The following FCN1 variants were observed in gnomAD, a reference collection of about 807,000 sequenced individuals.
The protein encoded by FCN1 is ficolin 1, also known as ficolin-1.
FCN1 carries 42 observed loss-of-function variants against 35.6 expected under a neutral mutation model. The observed-to-expected ratio is 1.18, with a 90% CI of 0.92 to 1.53. FCN1 has a LOEUF of 1.53. Ranked by LOEUF, FCN1 falls within the 40% of genes most tolerant of loss-of-function variation. The pLI is 0.00. For synonymous variants in FCN1, 179 were observed against 169.8 expected, an observed-to-expected ratio of 1.05 and a Z score of -0.42; for missense variants, 439 against 428.4, an observed-to-expected ratio of 1.02 and a Z score of -0.22.
In FCN1 at chr9:134,909,663, G is replaced by A. The variant is rs762509396; in HGVS notation, c.*135C>T. The stretch of plus-strand genomic sequence containing the variant: ...GTTGTGGGCATGTGGCGGCTTGACT[G>A]AGCTGGGGGCAAAGGGGCAGCTGTG... On this transcript the variant is annotated 3_prime_UTR_variant, in exon 9 of 9. Transcript: ENST00000371806. 5 of 1,594,486 alleles carry A rather than the reference G, an allele frequency of 3.1e-6. No homozygotes were observed. The highest frequency in any genetic ancestry group is 4.2e-6 in the Non-Finnish European group (5 of 1,177,340).
rs566070927 is a variant in FCN1 at position 134,917,420 on chromosome 9, G to A, written c.103+349C>T. 7.2e-5 allele frequency among the ~76,000 whole-genome samples: 11 copies of A among 152,298 alleles called. No homozygotes were observed. In the East Asian group the frequency reaches 1.5e-3, roughly 21 times the overall value. On this transcript the variant is annotated intron_variant, in intron 1 of 8. Coordinates refer to ENST00000371806, the MANE Select transcript of FCN1 (RefSeq NM_002003.5). ...CCCCCAAGTCCGTGTGGCAGCCACC[G>A]TATTAGAGGGTCTTAGAGTGCCTCC... is the stretch of plus-strand genomic sequence containing the variant.
At chr9:134,916,316 A>C in intron 2 of FCN1, 32 bp downstream of exon 2, 1 of 1,521,488 alleles carries the variant, frequency 6.6e-7, no homozygotes, top group South Asian at 1.1e-5. Flanking sequence ...TGCCCCTGCC[A>C]TGCCTGGCCT....
chr9:134,909,152 A>T lies in FCN1; in HGVS notation c.*646T>A. ...GGCCTCTTCGGAATCTTCTCTGTGC[A>T]GGTGGCTGACCAGGCGCTCACTTAG... On this transcript the variant is annotated 3_prime_UTR_variant, in exon 9 of 9. Transcript: ENST00000371806. 8.1e-7 allele frequency: 1 copy of T among 1,235,012 alleles called. No individual in the cohort carries two copies. The highest frequency in any genetic ancestry group is 1.1e-6 in the Non-Finnish European group (1 of 945,914). The allele number at this position is 1,235,012 out of a possible 1,614,324, so 76.5% of individuals were successfully genotyped here.
chr9:134,914,663 G>T, intron 3 of FCN1, 93 bp downstream of exon 3: 1 of 962,128 alleles, frequency 1.0e-6, no homozygotes. Context: ...GTCTGTGTCT[G>T]TGTCTCTGTC....
At position 134,909,642 on chromosome 9, in the gene FCN1, T is replaced by G. The variant is rs1735953499; in HGVS notation, c.*156A>C. On this transcript the variant is annotated 3_prime_UTR_variant, in exon 9 of 9. Coordinates refer to ENST00000371806, the MANE Select transcript of FCN1 (RefSeq NM_002003.5). ...CATAATTCTCCCTCTGGTGAGGTTGTGGGCATGTGGCGGCTTGACTGAGCT... is the reference window on the plus strand; with the variant it reads ...CATAATTCTCCCTCTGGTGAGGTTGGGGGCATGTGGCGGCTTGACTGAGCT... 2 of 1,589,216 alleles carry G rather than the reference T, an allele frequency of 1.3e-6. No individual in the cohort carries two copies. Among genetic ancestry groups the G allele is most frequent in the African/African-American group, 2.7e-5 (2 of 74,720 alleles).
intron 4 of FCN1, among the ~76,000 whole-genome samples, chr9:134,913,855 C>T (rs1831058530): frequency 1.3e-5 from 2 of 152,178 alleles, no homozygotes; most frequent in Admixed American, 6.5e-5. Flanking sequence ...GTGGCAGGCG[C>T]TGCGGGTCCT....
chr9:134,910,613 T>TCATTTCCAAGGCTCC (rs981024490), intron 8 of FCN1, among the ~76,000 whole-genome samples: 4 of 152,204 alleles, frequency 2.6e-5, no homozygotes, highest in Non-Finnish European at 4.4e-5. Context: ...TCCAAGGCTG[T>TCATTTCCAAGGCTCC]CATTTCCAAG....
rs1414972878 is a variant in FCN1 at position 134,908,497 on chromosome 9, T to C, written c.*1301A>G. The C allele has an allele frequency of 6.6e-6, 1 of 152,308 alleles. No individual in the cohort carries two copies. Among genetic ancestry groups the C allele is most frequent in the Admixed American group, 6.5e-5 (1 of 15,288 alleles). The allele number at this position is 152,308 out of a possible 1,614,324, so 9.4% of individuals were successfully genotyped here. Reference sequence around the variant, plus strand: ...GTGGTTAGGGATAGAGACCTGGACATGGGAGAGGATCCCAGATCATCCAGG... The same window carrying C: ...GTGGTTAGGGATAGAGACCTGGACACGGGAGAGGATCCCAGATCATCCAGG... On this transcript the variant is annotated 3_prime_UTR_variant, in exon 9 of 9. Transcript: ENST00000371806.
chr9:134,915,600 C>T (rs1005014618), intron 2 of FCN1, among the ~76,000 whole-genome samples: 4 of 152,198 alleles, frequency 2.6e-5, no homozygotes, highest in Admixed American at 6.5e-5. Context: ...GACACCCACA[C>T]GGAAGCCTAG....
rs1249450625 is a variant in FCN1, at chr9:134,903,568, T to C, written c.*6230A>G. ...ACTCTTAGAACTGAACTAAAATAGG[T>C]GAATTTTACTGTATTAAATTATACC... On this transcript the variant is annotated 3_prime_UTR_variant, in exon 9 of 9. Coordinates refer to ENST00000371806, the MANE Select transcript of FCN1 (RefSeq NM_002003.5). Among the ~76,000 whole-genome samples the C allele has an allele frequency of 2.0e-5, 3 of 152,052 alleles. No individual in the cohort carries two copies. In the East Asian group the frequency reaches 5.8e-4, roughly 29 times the overall value.
intron 2 of FCN1, 128 bp downstream of exon 2, chr9:134,916,219 AG>A: frequency 1.4e-6 from 1 of 740,540 alleles, no homozygotes. Context: ...TGGCTCTAGC[AG>A]GGGCCTGACC....
chr9:134,916,611 G>A, intron 1 of FCN1, 150 bp from the exon 2 acceptor site: 2 of 761,388 alleles, frequency 2.6e-6, no homozygotes, highest in Non-Finnish European at 4.4e-6. Flanking sequence ...TGGCTTTGGA[G>A]GCCACCCCGA....
rs1830955744 is a variant in FCN1 at position 134,906,126 on chromosome 9, AGAG to A, written c.*3669_*3671del. 6.6e-6 allele frequency: 1 copy of A among 152,600 alleles called. No homozygotes were observed. 9.5% of individuals were successfully genotyped at this position (152,600 alleles called of 1,614,324 possible). ...TGGCGGAGTTTTGTATTTTTAGTAG[AGAG>A]GAGGTTTCATCATGTTGGCCAGGCT... is the stretch of plus-strand genomic sequence containing the variant. On this transcript the variant is annotated 3_prime_UTR_variant, in exon 9 of 9. Coordinates refer to ENST00000371806, the MANE Select transcript of FCN1 (RefSeq NM_002003.5).
Position 134,909,694 on chromosome 9 carries a change from C to T in FCN1, c.*104G>A. Reference sequence around the variant, plus strand: ...GGGGCAAAGGGGCAGCTGTGGGCGTCATGGGAGTGTGTCTGGCTGGGGAAA... The same window carrying T: ...GGGGCAAAGGGGCAGCTGTGGGCGTTATGGGAGTGTGTCTGGCTGGGGAAA... On this transcript the variant is annotated 3_prime_UTR_variant, in exon 9 of 9. Transcript: ENST00000371806. 6.3e-7 allele frequency: 1 copy of T among 1,595,888 alleles called. No homozygotes were observed. The highest frequency in any genetic ancestry group is 8.5e-7 in the Non-Finnish European group (1 of 1,177,614).
At chr9:134,912,349 G>T in intron 7 of FCN1, 137 bp downstream of exon 7, 1 of 861,638 alleles carries the variant, frequency 1.2e-6, no homozygotes, top group South Asian at 1.8e-5. Flanking sequence ...AGCCCTTAGA[G>T]GTCCCAGTGC....
intron 1 of FCN1, 84 bp downstream of exon 1, chr9:134,917,683 TAA>T: frequency 1.2e-6 from 1 of 819,874 alleles, no homozygotes; most frequent in Non-Finnish European, 2.1e-6. Context: ...AAGATGTGCA[TAA>T]AAGGTTTTGC....
chr9:134,910,166 C>T (rs1831005469), intron 8 of FCN1, 121 bp from the exon 9 acceptor site: 1 of 949,698 alleles, frequency 1.1e-6, no homozygotes, highest in Non-Finnish European at 1.7e-6. Flanking sequence ...AGCCGAGCTA[C>T]AGGTGCACAA....
chr9:134,914,378 G>A lies in FCN1; in HGVS notation c.307+7C>T. 6.2e-7 allele frequency: 1 copy of A among 1,613,828 alleles called. No individual in the cohort carries two copies. Among genetic ancestry groups the A allele is most frequent in the South Asian group, 1.1e-5 (1 of 91,066 alleles). On this transcript the variant is annotated splice_region_variant and intron_variant, in intron 4 of 8. Transcript: ENST00000371806. The stretch of plus-strand genomic sequence containing the variant: ...GAGACAACTGCCTGGGCCCACGGGT[G>A]GCTCACCTTTCTCTCCACGCATCCC...
At chr9:134,915,475 G>C (rs1588153517) in intron 2 of FCN1, among the ~76,000 whole-genome samples, 1 of 152,204 alleles carries the variant, frequency 6.6e-6, no homozygotes, top group Non-Finnish European at 1.5e-5. Context: ...GTCTGAGCCA[G>C]ACTTGATTCT....
Sources: allele counts gnomAD v4.1 joint callset (sites outside exome capture counted in the v4.1 genomes callset), GRCh38; gene constraint gnomAD v4.1.1; transcripts MANE v1.5; gene names NCBI Gene and HGNC (gene_info 2026-07-23, HGNC 2026-07-21).